The following PITPNB variants were observed in gnomAD, a reference collection of about 807,000 sequenced individuals.
PITPNB encodes the protein phosphatidylinositol transfer protein beta isoform.
PITPNB carries 16 observed loss-of-function variants against 45.9 expected under a neutral mutation model. The ratio of observed to expected loss-of-function variants is 0.35; its 90% CI spans 0.24 to 0.53. The LOEUF is 0.53. Ranked by LOEUF, PITPNB falls within the 20% of genes least tolerant of loss-of-function variation. The pLI is 0.93. For synonymous variants in PITPNB, 112 were observed against 108.9 expected (o/e 1.03, Z -0.18); for missense variants, 188 against 330.5 (o/e 0.57, Z 3.34).
chr22:27,904,788 A>C (rs1172266940), intron 3 of PITPNB, among the ~76,000 whole-genome samples: 1 of 152,212 alleles, frequency 6.6e-6, no homozygotes, highest in Non-Finnish European at 1.5e-5. Flanking sequence ...GAAATTACAG[A>C]AATGATTTAC....
chr22:27,890,208 T>C (rs1242763151), intron 7 of PITPNB, among the ~76,000 whole-genome samples: 26 of 152,116 alleles, frequency 1.7e-4, no homozygotes, highest in Non-Finnish European at 1.0e-4. Context: ...CACCCATACC[T>C]GCCTTCAACA....
intron 8 of PITPNB, among the ~76,000 whole-genome samples, chr22:27,863,388 C>G (rs1427836943): frequency 6.6e-6 from 1 of 152,266 alleles, no homozygotes; most frequent in Non-Finnish European, 1.5e-5. Context: ...CATTACATAT[C>G]CTTGACATCC....
At chr22:27,879,355 T>A (rs370524237) in intron 7 of PITPNB, among the ~76,000 whole-genome samples, 2 of 152,258 alleles carry the variant, frequency 1.3e-5, no homozygotes, top group South Asian at 2.1e-4. Flanking sequence ...ACCAAATAGC[T>A]GTGCTCCAGG....
chr22:27,860,247 T>C lies in PITPNB; in HGVS notation c.535-6A>G, dbSNP rs199953468. ...GGGCTGTTTGCCAGCTCCTTCTAGA[T>C]GAGAAAAATTGAAAAGGAGAAATTA... On this transcript the variant is annotated splice_region_variant and splice_polypyrimidine_tract_variant and intron_variant, in intron 8 of 11. Transcript: ENST00000335272. 26 of 1,541,468 alleles carry C rather than the reference T, an allele frequency of 1.7e-5. No homozygotes were observed. The highest frequency in any genetic ancestry group is 4.5e-5 in the East Asian group (2 of 44,462).
At chr22:27,903,856 T>C (rs1008463122) in intron 3 of PITPNB, among the ~76,000 whole-genome samples, 6 of 145,258 alleles carry the variant, frequency 4.1e-5, no homozygotes, top group Non-Finnish European at 7.6e-5. Flanking sequence ...AAAGAAGATA[T>C]ACAAATGACC....
At chr22:27,878,769 AATT>A (rs1934889065) in intron 7 of PITPNB, among the ~76,000 whole-genome samples, 1 of 152,232 alleles carries the variant, frequency 6.6e-6, no homozygotes, top group Non-Finnish European at 1.5e-5. Flanking sequence ...ATTTGCATAT[AATT>A]ATTATGCTAA....
intron 8 of PITPNB, among the ~76,000 whole-genome samples, chr22:27,871,129 C>T (rs1934647393): frequency 6.6e-6 from 1 of 152,188 alleles, no homozygotes; most frequent in African/African-American, 2.4e-5. Context: ...TAAACCTATT[C>T]TAGAATTTCA....
chr22:27,868,721 C>A (rs1431391878), intron 8 of PITPNB, among the ~76,000 whole-genome samples: 2 of 152,140 alleles, frequency 1.3e-5, no homozygotes, highest in Non-Finnish European at 1.5e-5. Flanking sequence ...AATTTAAAAA[C>A]CACCATAATT....
Position 27,874,570 on chromosome 22 carries a change from G to A in PITPNB, c.457-755C>T, listed in dbSNP as rs558128471. Among the ~76,000 whole-genome samples the A allele has an allele frequency of 2.0e-5, 3 of 152,084 alleles. 1 individual carries two copies. The highest frequency in any genetic ancestry group is 4.2e-4 in the South Asian group (2 of 4,816). On this transcript the variant is annotated intron_variant, in intron 7 of 11. Transcript: ENST00000335272. ...ATATCTTTTTCCTGACAGAACGGAG[G>A]AAATGAAAAAAGAAAATCTTTTAAA... is the stretch of plus-strand genomic sequence containing the variant.
chr22:27,878,767 A>G (rs1934888880), intron 7 of PITPNB, among the ~76,000 whole-genome samples: 1 of 152,236 alleles, frequency 6.6e-6, no homozygotes, highest in Non-Finnish European at 1.5e-5. Context: ...TCATTTGCAT[A>G]TAATTATTAT....
chr22:27,907,707 T>C (rs1454671032), intron 3 of PITPNB, among the ~76,000 whole-genome samples: 1 of 152,134 alleles, frequency 6.6e-6, no homozygotes, highest in African/African-American at 2.4e-5. Context: ...TCCCTTCTCA[T>C]GGGAGTGCCT....
chr22:27,854,553 T>C (rs1406823763), intron 11 of PITPNB, among the ~76,000 whole-genome samples: 1 of 152,174 alleles, frequency 6.6e-6, no homozygotes, highest in Non-Finnish European at 1.5e-5. Context: ...ATTAACTCAG[T>C]ATTGAAAAAT....
intron 6 of PITPNB, 121 bp from the exon 7 acceptor site, chr22:27,894,759 A>C: frequency 3.9e-6 from 2 of 506,746 alleles, no homozygotes; most frequent in East Asian, 5.8e-5. Flanking sequence ...GACCCAAATT[A>C]TTATTTCATT....
rs981156173 is a variant in PITPNB at position 27,852,360 on chromosome 22, G to A, written c.*1342C>T. 4.6e-5 allele frequency: 7 copies of A among 152,164 alleles called. No homozygotes were observed. Among genetic ancestry groups the A allele is most frequent in the African/African-American group, 1.7e-4 (7 of 41,418 alleles). 9.4% of individuals were successfully genotyped at this position (152,164 alleles called of 1,614,324 possible). On this transcript the variant is annotated 3_prime_UTR_variant, in exon 12 of 12. Coordinates refer to ENST00000335272, the MANE Select transcript of PITPNB (RefSeq NM_012399.5). Reference sequence around the variant, plus strand: ...ACAGAGGAAAAACTGGATTCAGACAGAGAAAGCTGATAAAAATCTTACCTA... The same window carrying A: ...ACAGAGGAAAAACTGGATTCAGACAAAGAAAGCTGATAAAAATCTTACCTA...
At chr22:27,905,066 T>C (rs956827021) in intron 3 of PITPNB, among the ~76,000 whole-genome samples, 5 of 152,222 alleles carry the variant, frequency 3.3e-5, no homozygotes, top group African/African-American at 4.8e-5. Flanking sequence ...CTAAACTACA[T>C]ATAATGACAA....
chr22:27,863,753 A>G (rs1934403553), intron 8 of PITPNB, among the ~76,000 whole-genome samples: 1 of 152,204 alleles, frequency 6.6e-6, no homozygotes, highest in South Asian at 2.1e-4. Flanking sequence ...ATGTAATACA[A>G]ATATGCCTAC....
intron 9 of PITPNB, among the ~76,000 whole-genome samples, chr22:27,859,562 A>T (rs1934261326): frequency 6.6e-6 from 1 of 152,224 alleles, no homozygotes; most frequent in African/African-American, 2.4e-5. Context: ...CCTAGATCTA[A>T]CTGCCCATGT....
At chr22:27,874,072 CT>C (rs1934748616) in intron 7 of PITPNB, among the ~76,000 whole-genome samples, 1 of 152,254 alleles carries the variant, frequency 6.6e-6, no homozygotes, top group Admixed American at 6.5e-5. Flanking sequence ...TCCATTCTGA[CT>C]GGTTACTGGA....
At position 27,860,124 on chromosome 22, in the gene PITPNB, AT is replaced by A; in HGVS notation, c.645+6del. On this transcript the variant is annotated splice_donor_region_variant and intron_variant, in intron 9 of 11. Coordinates refer to ENST00000335272, the MANE Select transcript of PITPNB (RefSeq NM_012399.5). ...ATCTAAGTCACCACATTTTGAGCAG[AT>A]TTTACCTTTTGAATGAAGTTTTCTA... 1 of 1,551,832 alleles carries A rather than the reference AT, an allele frequency of 6.4e-7. No individual in the cohort carries two copies. Among genetic ancestry groups the A allele is most frequent in the Non-Finnish European group, 8.9e-7 (1 of 1,123,396 alleles).
Sources: gnomAD v4.1 joint callset for allele counts (sites outside exome capture counted in the v4.1 genomes callset) on GRCh38, gnomAD v4.1.1 for gene constraint, MANE v1.5 for transcripts, NCBI Gene and HGNC (gene_info 2026-07-23, HGNC 2026-07-21) for gene names.